QTMAN: variants seen among roughly 807,000 people sequenced by gnomAD.
QTMAN encodes the protein queuosine-tRNA mannosyltransferase, also known as tRNA-queuosine alpha-mannosyltransferase.
At chr2:144,115,452 A>T in the QTMAN span, among the ~76,000 whole-genome samples, 1 of 152,202 alleles carries the variant, frequency 6.6e-6, no homozygotes, top group Non-Finnish European at 1.5e-5. Context: ...CCAAAAAATT[A>T]ACTGTGGCAT....
the QTMAN span, among the ~76,000 whole-genome samples, chr2:144,088,888 A>G: frequency 1.3e-5 from 2 of 152,026 alleles, no homozygotes; most frequent in Non-Finnish European, 2.9e-5. Flanking sequence ...GCCTAGGAAA[A>G]ACTCTCCTGG....
At chr2:144,078,933 C>A in the QTMAN span, among the ~76,000 whole-genome samples, 23 of 152,056 alleles carry the variant, frequency 1.5e-4, no homozygotes, top group East Asian at 4.4e-3. Context: ...TAAAGATTGG[C>A]GATTTGTTGA....
the QTMAN span, among the ~76,000 whole-genome samples, chr2:144,106,659 A>G: frequency 1.4e-4 from 22 of 152,230 alleles, no homozygotes; most frequent in African/African-American, 5.3e-4. Flanking sequence ...TAATAATGGA[A>G]GACATTAACA....
the QTMAN span, among the ~76,000 whole-genome samples, chr2:144,103,734 C>G: frequency 6.6e-6 from 1 of 152,060 alleles, no homozygotes; most frequent in African/African-American, 2.4e-5. Flanking sequence ...AGGAAAATAT[C>G]AAAAATACAA....
chr2:144,063,380 A>G, the QTMAN span, among the ~76,000 whole-genome samples: 7 of 152,202 alleles, frequency 4.6e-5, no homozygotes, highest in African/African-American at 7.2e-5. Context: ...ACTTTCTATC[A>G]TCAAAGACTC....
chr2:143,962,413 C>G, the QTMAN span, among the ~76,000 whole-genome samples: 3 of 152,072 alleles, frequency 2.0e-5, no homozygotes, highest in African/African-American at 7.2e-5. Flanking sequence ...TCATGAGGAA[C>G]TAGCCTAGGG....
chr2:144,139,968 A>C, the QTMAN span, among the ~76,000 whole-genome samples: 1 of 152,218 alleles, frequency 6.6e-6, no homozygotes, highest in East Asian at 1.9e-4. Context: ...AATATTTTTT[A>C]ATCACCTTGG....
At chr2:144,141,746 T>TG in the QTMAN span, 21 of 604,152 alleles carry the variant, frequency 3.5e-5, no homozygotes, top group Admixed American at 5.6e-5. Flanking sequence ...AATCACAGCA[T>TG]GGTGAGATAG....
At chr2:144,128,667 C>A in the QTMAN span, among the ~76,000 whole-genome samples, 1 of 152,078 alleles carries the variant, frequency 6.6e-6, no homozygotes, top group South Asian at 2.1e-4. Context: ...CAGGTAAACA[C>A]CTCTCTACTG....
chr2:144,251,324 A>G, the QTMAN span, among the ~76,000 whole-genome samples: 1 of 152,220 alleles, frequency 6.6e-6, no homozygotes, highest in African/African-American at 2.4e-5. Flanking sequence ...ATGGTGAAAC[A>G]GACAAATAGA....
At chr2:144,241,632 A>T in the QTMAN span, among the ~76,000 whole-genome samples, 1 of 152,082 alleles carries the variant, frequency 6.6e-6, no homozygotes, top group African/African-American at 2.4e-5. Flanking sequence ...ATTCTTGCTG[A>T]TCTTTCTTTT....
At chr2:144,282,476 T>C in the QTMAN span, among the ~76,000 whole-genome samples, 1 of 151,550 alleles carries the variant, frequency 6.6e-6, no homozygotes, top group African/African-American at 2.4e-5. Context: ...ATCATTTATA[T>C]GGGCTTTTTA....
At chr2:144,206,217 T>C in the QTMAN span, among the ~76,000 whole-genome samples, 1 of 152,230 alleles carries the variant, frequency 6.6e-6, no homozygotes, top group African/African-American at 2.4e-5. Flanking sequence ...GTATTTTGCA[T>C]AGTAGGCAAT....
the QTMAN span, among the ~76,000 whole-genome samples, chr2:144,031,752 ACTTCTT>A: frequency 2.6e-5 from 4 of 151,974 alleles, no homozygotes. Flanking sequence ...GGGTATGATT[ACTTCTT>A]CTTCTTCTTT....
the QTMAN span, among the ~76,000 whole-genome samples, chr2:144,111,074 A>G: frequency 1.2e-4 from 19 of 152,276 alleles, no homozygotes; most frequent in African/African-American, 4.6e-4. Context: ...TCTTCACCCT[A>G]CTGTGTTATG....
the QTMAN span, among the ~76,000 whole-genome samples, chr2:144,072,455 C>T: frequency 2.0e-5 from 3 of 152,264 alleles, no homozygotes; most frequent in South Asian, 2.1e-4. Context: ...AAACTAGATT[C>T]GAGCACTTAG....
chr2:144,160,071 T>C, the QTMAN span, among the ~76,000 whole-genome samples: 2 of 151,906 alleles, frequency 1.3e-5, no homozygotes, highest in African/African-American at 4.8e-5. Flanking sequence ...TACAGACAAG[T>C]TGCAAAGAAA....
the QTMAN span, chr2:144,230,469 G>A: frequency 6.6e-6 from 1 of 152,016 alleles, no homozygotes; most frequent in African/African-American, 2.4e-5. Flanking sequence ...TGCAACACCA[G>A]GCATACAAAC....
the QTMAN span, among the ~76,000 whole-genome samples, chr2:144,190,184 C>T: frequency 6.6e-6 from 1 of 152,070 alleles, no homozygotes; most frequent in Non-Finnish European, 1.5e-5. Flanking sequence ...AGGCAGAGTT[C>T]TGATAAATCA....
Sources: allele counts gnomAD v4.1 joint callset (sites outside exome capture counted in the v4.1 genomes callset), GRCh38; gene constraint gnomAD v4.1.1; transcripts MANE v1.5; gene names NCBI Gene and HGNC (gene_info 2026-07-23, HGNC 2026-07-21).